Variants in IL19 observed in about 807,000 individuals in gnomAD.
IL19 encodes interleukin-19.
Under a neutral mutation model 19.5 loss-of-function variants are expected in IL19, and 15 were observed. The ratio of observed to expected loss-of-function variants is 0.77; its 90% CI spans 0.52 to 1.19. IL19 has a LOEUF of 1.19. Ranked by LOEUF, IL19 falls within the 50% of genes most tolerant of loss-of-function variation. The pLI is 0.00. For missense variants in IL19, 199 were observed against 213.1 expected (o/e 0.93, Z 0.41); for synonymous variants, 78 against 78.3 (o/e 1.00, Z 0.02).
intron 4 of IL19, 112 bp downstream of exon 4, chr1:206,837,135 C>T (rs1676823720): frequency 1.2e-6 from 1 of 827,200 alleles, no homozygotes; most frequent in Non-Finnish European, 1.9e-6. Flanking sequence ...CTCCAATGTA[C>T]TCTAAATGCA....
chr1:206,835,852 G>A (rs1455933066), intron 2 of IL19, among the ~76,000 whole-genome samples: 3 of 152,256 alleles, frequency 2.0e-5, no homozygotes, highest in African/African-American at 7.2e-5. Context: ...TGCGCATTAT[G>A]TGGCACAATA....
intron 1 of IL19, among the ~76,000 whole-genome samples, chr1:206,772,099 A>T (rs1024391121): frequency 6.6e-6 from 1 of 152,246 alleles, no homozygotes; most frequent in Admixed American, 6.5e-5. Context: ...GGCTTAGCTT[A>T]ACTCACCAAA....
chr1:206,825,203 T>A (rs981698501), intron 2 of IL19, among the ~76,000 whole-genome samples: 2 of 152,226 alleles, frequency 1.3e-5, no homozygotes, highest in African/African-American at 4.8e-5. Context: ...CTCAAATGAA[T>A]CAGAAATCTT....
chr1:206,819,409 C>A (rs955392714), intron 2 of IL19, among the ~76,000 whole-genome samples: 4 of 151,788 alleles, frequency 2.6e-5, no homozygotes, highest in African/African-American at 9.7e-5. Context: ...TATGGTGAAA[C>A]CCCATCTCTA....
chr1:206,825,168 G>A (rs1474665882), intron 2 of IL19, among the ~76,000 whole-genome samples: 2 of 152,172 alleles, frequency 1.3e-5, no homozygotes, highest in African/African-American at 4.8e-5. Flanking sequence ...TGTGGGGAGA[G>A]GGATTCCATA....
At position 206,840,679 on chromosome 1, in the gene IL19, ATAAT is replaced by A. The variant is rs1676982949; in HGVS notation, c.364-321_364-318del. The A allele has an allele frequency of 2.8e-5, 7 of 253,634 alleles. No individual in the cohort carries two copies. In the South Asian group the frequency reaches 4.8e-4, roughly 17 times the overall value. The allele number at this position is 253,634 out of a possible 1,614,324, so 15.7% of individuals were successfully genotyped here. A position where few individuals can be genotyped will look rare whatever the true frequency, so the allele number is the denominator to read the frequency against. ...TTCGTTAAAATTAATTATCTAATTA[ATAAT>A]TAACATTTAACAAATGTTTGTTGAG... On this transcript the variant is annotated intron_variant, in intron 5 of 6. Transcript: ENST00000659997.
At chr1:206,823,025 G>T (rs1676328108) in intron 2 of IL19, among the ~76,000 whole-genome samples, 1 of 151,806 alleles carries the variant, frequency 6.6e-6, no homozygotes, top group African/African-American at 2.4e-5. Context: ...CACCTCCTAG[G>T]TTCCAGTGAT....
intron 1 of IL19, among the ~76,000 whole-genome samples, chr1:206,777,917 A>G: frequency 6.6e-6 from 1 of 152,232 alleles, no homozygotes; most frequent in East Asian, 1.9e-4. Flanking sequence ...CTGTGCTGCA[A>G]CAGACCCCAA....
chr1:206,831,507 T>C (rs1157440228), intron 2 of IL19, among the ~76,000 whole-genome samples: 1 of 152,218 alleles, frequency 6.6e-6, no homozygotes, highest in African/African-American at 2.4e-5. Context: ...GCAGCAAGGC[T>C]TAAGATGAAG....
chr1:206,773,749 A>T (rs999505317), intron 1 of IL19, among the ~76,000 whole-genome samples: 1 of 152,012 alleles, frequency 6.6e-6, no homozygotes, highest in East Asian at 1.9e-4. Flanking sequence ...GGATCCTTTG[A>T]TTGAGCCTTC....
chr1:206,800,027 A>G (rs1675640743), intron 2 of IL19, among the ~76,000 whole-genome samples: 1 of 152,266 alleles, frequency 6.6e-6, no homozygotes, highest in South Asian at 2.1e-4. Flanking sequence ...TTTAATAATT[A>G]TCCAAAGTCA....
chr1:206,795,312 C>A (rs1278422165), intron 1 of IL19, among the ~76,000 whole-genome samples: 1 of 152,234 alleles, frequency 6.6e-6, no homozygotes, highest in Non-Finnish European at 1.5e-5. Context: ...CTCTTTGCAT[C>A]CAGCTGGGTG....
At chr1:206,779,698 A>G (rs1272739419) in intron 1 of IL19, among the ~76,000 whole-genome samples, 2 of 152,166 alleles carry the variant, frequency 1.3e-5, no homozygotes, top group Non-Finnish European at 1.5e-5. Context: ...ATAAGGACTC[A>G]TATTCTAATG....
At chr1:206,771,966 A>T (rs3024490) in intron 1 of IL19, among the ~76,000 whole-genome samples, 13 of 152,072 alleles carry the variant, frequency 8.5e-5, no homozygotes, top group Non-Finnish European at 1.5e-4. Context: ...CGAATCAGAC[A>T]TTTCTTTACT....
chr1:206,777,413 A>G (rs1216172154), intron 1 of IL19, among the ~76,000 whole-genome samples: 3 of 150,900 alleles, frequency 2.0e-5, no homozygotes, highest in East Asian at 1.9e-4. Flanking sequence ...TCTCAAAAAA[A>G]AAAAAAAAAA....
chr1:206,819,357 G>A (rs543630993), intron 2 of IL19, among the ~76,000 whole-genome samples: 12 of 151,914 alleles, frequency 7.9e-5, no homozygotes, highest in East Asian at 5.8e-4. Flanking sequence ...AGGCTGAGGC[G>A]GGCAGATCAC....
intron 1 of IL19, among the ~76,000 whole-genome samples, chr1:206,778,926 C>G (rs190372967): frequency 1.3e-3 from 204 of 152,322 alleles, no homozygotes; most frequent in Non-Finnish European, 2.0e-3. Context: ...CCAGCAATGA[C>G]TGTCTGGTTC....
intron 2 of IL19, among the ~76,000 whole-genome samples, chr1:206,829,297 A>G (rs1676525802): frequency 6.6e-6 from 1 of 152,216 alleles, no homozygotes; most frequent in Non-Finnish European, 1.5e-5. Flanking sequence ...TCAAAGTTAA[A>G]TATGCATCTT....
At chr1:206,776,909 C>CAAAAAAA (rs1186364224) in intron 1 of IL19, among the ~76,000 whole-genome samples, 4 of 50,468 alleles carry the variant, frequency 7.9e-5, no homozygotes, top group African/African-American at 2.3e-4. Flanking sequence ...CTTGCAACTA[C>CAAAAAAA]AAAAAAAAAA....
Sources: gnomAD v4.1 joint callset for allele counts (sites outside exome capture counted in the v4.1 genomes callset) on GRCh38, gnomAD v4.1.1 for gene constraint, MANE v1.5 for transcripts, NCBI Gene and HGNC (gene_info 2026-07-23, HGNC 2026-07-21) for gene names.